EEIG2: variants seen among roughly 807,000 people sequenced by gnomAD.
EEIG2 encodes EEIG family member 2, also known as family with sequence similarity 102 member B.
At chr1:108,619,077 G>A in the EEIG2 span, among the ~76,000 whole-genome samples, 16 of 152,190 alleles carry the variant, frequency 1.1e-4, no homozygotes, top group East Asian at 2.9e-3. Flanking sequence ...TAAATTGATC[G>A]TTCCTTCTCA....
the EEIG2 span, among the ~76,000 whole-genome samples, chr1:108,599,724 G>A: frequency 2.0e-5 from 3 of 152,192 alleles, no homozygotes; most frequent in Admixed American, 6.5e-5. Flanking sequence ...AAGTGACGAG[G>A]CTCACGCCTA....
At chr1:108,585,407 T>TG in the EEIG2 span, among the ~76,000 whole-genome samples, 1 of 152,126 alleles carries the variant, frequency 6.6e-6, no homozygotes, top group Non-Finnish European at 1.5e-5. Flanking sequence ...CTGCTCCCTC[T>TG]GGGGTTTCCT....
the EEIG2 span, among the ~76,000 whole-genome samples, chr1:108,632,209 T>C: frequency 6.6e-6 from 1 of 151,690 alleles, no homozygotes; most frequent in African/African-American, 2.4e-5. Context: ...AAAACTCATG[T>C]CTCTTTGAGT....
At chr1:108,633,831 T>C in the EEIG2 span, among the ~76,000 whole-genome samples, 1 of 152,172 alleles carries the variant, frequency 6.6e-6, no homozygotes, top group Non-Finnish European at 1.5e-5. Flanking sequence ...CCTTCTGTTA[T>C]TCTGATCTAC....
chr1:108,578,313 C>T, the EEIG2 span, among the ~76,000 whole-genome samples: 1 of 128,860 alleles, frequency 7.8e-6, no homozygotes, highest in Non-Finnish European at 1.6e-5. Context: ...CCTGATTGCC[C>T]TGGCCAGAAC....
the EEIG2 span, among the ~76,000 whole-genome samples, chr1:108,594,613 T>A: frequency 1.3e-5 from 2 of 152,220 alleles, no homozygotes; most frequent in Admixed American, 6.5e-5. Context: ...GTGTAATTTT[T>A]AATATGTGTA....
chr1:108,564,531 T>C, the EEIG2 span, among the ~76,000 whole-genome samples: 3 of 152,178 alleles, frequency 2.0e-5, no homozygotes, highest in Admixed American at 2.0e-4. Flanking sequence ...TGATGAGTAG[T>C]GGGAGGCATT....
the EEIG2 span, chr1:108,628,595 AG>A: frequency 6.3e-7 from 1 of 1,587,418 alleles, no homozygotes; most frequent in Non-Finnish European, 8.6e-7. Flanking sequence ...GTATCCTTTT[AG>A]TTTAAAGAAT....
chr1:108,619,656 G>A, the EEIG2 span, among the ~76,000 whole-genome samples: 1 of 152,190 alleles, frequency 6.6e-6, no homozygotes, highest in Non-Finnish European at 1.5e-5. Flanking sequence ...GGAGGCCAAG[G>A]CAGGTGGGTC....
At chr1:108,624,877 A>T in the EEIG2 span, 2 of 696,478 alleles carry the variant, frequency 2.9e-6, no homozygotes, top group Non-Finnish European at 4.9e-6. Flanking sequence ...TAATTATGTA[A>T]TTCTTGGTTG....
chr1:108,576,471 A>G, the EEIG2 span, among the ~76,000 whole-genome samples: 3 of 120,198 alleles, frequency 2.5e-5, no homozygotes. Context: ...CACAGTCCCC[A>G]GAGTGTGATA....
At chr1:108,614,967 A>T in the EEIG2 span, among the ~76,000 whole-genome samples, 1 of 152,214 alleles carries the variant, frequency 6.6e-6, no homozygotes, top group African/African-American at 2.4e-5. Context: ...TCAGGGTTCT[A>T]TGAAAGAAGA....
chr1:108,585,356 G>A, the EEIG2 span, among the ~76,000 whole-genome samples: 1 of 152,140 alleles, frequency 6.6e-6, no homozygotes, highest in East Asian at 1.9e-4. Context: ...AAATAATTAA[G>A]AAGCTATTTT....
chr1:108,583,528 A>C, the EEIG2 span, among the ~76,000 whole-genome samples: 1 of 151,930 alleles, frequency 6.6e-6, no homozygotes, highest in Non-Finnish European at 1.5e-5. Context: ...TTTCAATAAT[A>C]CTATGCATAT....
chr1:108,567,050 G>A, the EEIG2 span, among the ~76,000 whole-genome samples: 1 of 151,940 alleles, frequency 6.6e-6, no homozygotes, highest in Non-Finnish European at 1.5e-5. Context: ...ATGTTAATTG[G>A]CTTGGTTTAG....
chr1:108,566,534 A>G, the EEIG2 span, among the ~76,000 whole-genome samples: 3 of 152,192 alleles, frequency 2.0e-5, no homozygotes, highest in East Asian at 5.8e-4. Context: ...CTGGGTATAC[A>G]TTCGAAGGAA....
chr1:108,628,065 GA>G, the EEIG2 span: 2 of 944,150 alleles, frequency 2.1e-6, no homozygotes, highest in South Asian at 3.0e-5. Flanking sequence ...TTATTGTTTT[GA>G]TAATGAACTT....
chr1:108,618,641 C>G, the EEIG2 span, among the ~76,000 whole-genome samples: 6 of 151,786 alleles, frequency 4.0e-5, no homozygotes. Flanking sequence ...GCCTGTAATC[C>G]CAGTACTTTG....
chr1:108,587,941 A>T, the EEIG2 span, among the ~76,000 whole-genome samples: 1 of 152,166 alleles, frequency 6.6e-6, no homozygotes, highest in Admixed American at 6.6e-5. Flanking sequence ...TTCCACATAT[A>T]AGTGAGATTA....
Sources: allele counts gnomAD v4.1 joint callset (sites outside exome capture counted in the v4.1 genomes callset), GRCh38; gene constraint gnomAD v4.1.1; transcripts MANE v1.5; gene names NCBI Gene and HGNC (gene_info 2026-07-23, HGNC 2026-07-21).